PARVA: variants seen among roughly 807,000 people sequenced by gnomAD.
The protein encoded by PARVA is alpha-parvin.
PARVA carries 25 observed loss-of-function variants against 52.6 expected under a neutral mutation model. That is an observed-to-expected ratio of 0.48 (90% confidence interval 0.35 to 0.66). The LOEUF (loss-of-function observed/expected upper bound fraction) is 0.66, where lower values mean the gene tolerates loss of function less well. Among genes scored for constraint, PARVA ranks in the 30% least tolerant of loss-of-function variants. The pLI is 0.01. For synonymous variants in PARVA, 185 were observed against 179.1 expected, an observed-to-expected ratio of 1.03 and a Z score of -0.26; for missense variants, 373 against 450.9, an observed-to-expected ratio of 0.83 and a Z score of 1.56.
intron 1 of PARVA, among the ~76,000 whole-genome samples, chr11:12,432,857 C>T (rs977990504): frequency 6.6e-6 from 1 of 152,142 alleles, no homozygotes; most frequent in South Asian, 2.1e-4. Flanking sequence ...AAATCCATTC[C>T]CAGAAAACTG....
At position 12,517,503 on chromosome 11, in the gene PARVA, T is replaced by C. The variant is rs1589989550; in HGVS notation, c.868-107T>C. On this transcript the variant is annotated intron_variant, in intron 10 of 12. Coordinates refer to ENST00000334956, the MANE Select transcript of PARVA (RefSeq NM_018222.5). Reference sequence around the variant, plus strand: ...CCTACCCCCGAGCTAGCAGCCTGGCTGGGGTGGTAGGCTTCAGGTGGCATA... The same window carrying C: ...CCTACCCCCGAGCTAGCAGCCTGGCCGGGGTGGTAGGCTTCAGGTGGCATA... 4 of 802,430 alleles carry C rather than the reference T, an allele frequency of 5.0e-6. No individual in the cohort carries two copies. The East Asian group carries it at 1.1e-4, about 22-fold the overall frequency. 49.7% of individuals were successfully genotyped at this position (802,430 alleles called of 1,614,324 possible). A position where few individuals can be genotyped will look rare whatever the true frequency, so the allele number is the denominator to read the frequency against.
intron 12 of PARVA, among the ~76,000 whole-genome samples, chr11:12,524,172 A>G (rs1384979355): frequency 1.3e-5 from 2 of 152,234 alleles, no homozygotes; most frequent in East Asian, 3.8e-4. Context: ...ACGGCTATAC[A>G]TAGCAGCTCT....
chr11:12,376,806 C>A, upstream of PARVA: 1 of 727,376 alleles, frequency 1.4e-6, no homozygotes, highest in Admixed American at 6.2e-5. Context: ...TTGTATGACT[C>A]CCCTGTTATC....
chr11:12,492,308 T>G (rs1941243831), intron 4 of PARVA, among the ~76,000 whole-genome samples: 1 of 152,216 alleles, frequency 6.6e-6, no homozygotes. Flanking sequence ...GAGAAAATTT[T>G]CTAAATCACA....
chr11:12,470,829 T>C (rs1350477697), intron 1 of PARVA, among the ~76,000 whole-genome samples: 1 of 152,152 alleles, frequency 6.6e-6, no homozygotes, highest in East Asian at 1.9e-4. Flanking sequence ...CCTATTTACA[T>C]TTTTGTAGAA....
chr11:12,453,088 G>T (rs543885074), intron 1 of PARVA: 2 of 454,324 alleles, frequency 4.4e-6, no homozygotes, highest in Admixed American at 2.4e-5. Context: ...TTCTTTGTTG[G>T]GGGGGCGCCC....
At position 12,513,986 on chromosome 11, in the gene PARVA, T is replaced by G; in HGVS notation, c.799-11T>G. 6.2e-7 allele frequency: 1 copy of G among 1,613,370 alleles called. No homozygotes were observed. The highest frequency in any genetic ancestry group is 8.5e-7 in the Non-Finnish European group (1 of 1,179,340). On this transcript the variant is annotated splice_polypyrimidine_tract_variant and intron_variant, in intron 9 of 12. Transcript: ENST00000334956. ...GTCCCCAGCTTAGGGCCTGCTTTGC[T>G]TCTCTTTTAGACACTCATCACTTTC...
At chr11:12,422,406 C>T (rs1266169260) in intron 1 of PARVA, among the ~76,000 whole-genome samples, 2 of 152,172 alleles carry the variant, frequency 1.3e-5, no homozygotes, top group Admixed American at 6.5e-5. Flanking sequence ...GCTCTAGTTC[C>T]ATATTGTTAG....
intron 1 of PARVA, among the ~76,000 whole-genome samples, chr11:12,438,767 G>T (rs895075066): frequency 6.6e-6 from 1 of 152,118 alleles, no homozygotes; most frequent in Admixed American, 6.5e-5. Flanking sequence ...ACTCAGGGAG[G>T]TTTAGTTATT....
At chr11:12,462,633 T>TA (rs1180311301) in intron 1 of PARVA, among the ~76,000 whole-genome samples, 1 of 152,220 alleles carries the variant, frequency 6.6e-6, no homozygotes, top group Non-Finnish European at 1.5e-5. Context: ...GATTTGCTAC[T>TA]ACAGCAATAG....
At chr11:12,397,525 T>A (rs1170255925) in intron 1 of PARVA, among the ~76,000 whole-genome samples, 1 of 152,194 alleles carries the variant, frequency 6.6e-6, no homozygotes, top group Non-Finnish European at 1.5e-5. Flanking sequence ...CATATTGCTC[T>A]CCAAAAAGGA....
chr11:12,476,449 A>G (rs1303317260), intron 3 of PARVA, among the ~76,000 whole-genome samples: 1 of 151,924 alleles, frequency 6.6e-6, no homozygotes, highest in East Asian at 1.9e-4. Context: ...ACCTGTGAAT[A>G]GCCACTGCAT....
chr11:12,399,206 TTC>T (rs778831422), intron 1 of PARVA, among the ~76,000 whole-genome samples: 4 of 152,234 alleles, frequency 2.6e-5, no homozygotes, highest in African/African-American at 4.8e-5. Flanking sequence ...ACATTTACTT[TTC>T]TCTGTTTTCT....
upstream of PARVA, chr11:12,377,536 A>C: frequency 6.9e-7 from 1 of 1,459,572 alleles, no homozygotes; most frequent in Non-Finnish European, 9.2e-7. Flanking sequence ...AAATGCTTGG[A>C]ATAATTCCGC....
Position 12,534,207 on chromosome 11 carries a change from G to A in PARVA, c.*6282G>A, listed in dbSNP as rs1941808949. Among the ~76,000 whole-genome samples the A allele has an allele frequency of 6.6e-6, 1 of 152,146 alleles. No homozygotes were observed. The highest frequency in any genetic ancestry group is 1.5e-5 in the Non-Finnish European group (1 of 68,024). ...AAACAAAACAAAAATCCATGAACAA[G>A]TGGACCTGCCCAGTTCAAATCATTG... On this transcript the variant is annotated 3_prime_UTR_variant, in exon 13 of 13. Transcript: ENST00000334956.
intron 1 of PARVA, among the ~76,000 whole-genome samples, chr11:12,427,773 G>A (rs1488190930): frequency 1.3e-5 from 2 of 152,228 alleles, no homozygotes. Context: ...CAGCTGCTAT[G>A]TTCCTAACTT....
chr11:12,406,794 C>T (rs544147098), intron 1 of PARVA, among the ~76,000 whole-genome samples: 52 of 151,614 alleles, frequency 3.4e-4, no homozygotes, highest in Admixed American at 1.7e-3. Context: ...CCTCGGCCTC[C>T]CAAGTAGCTG....
chr11:12,423,642 A>G (rs1028795711), intron 1 of PARVA, among the ~76,000 whole-genome samples: 11 of 152,158 alleles, frequency 7.2e-5, no homozygotes, highest in Non-Finnish European at 1.5e-4. Context: ...GTACTATTGT[A>G]TATGGTGAGT....
At chr11:12,499,179 T>C (rs1283155986) in intron 5 of PARVA, among the ~76,000 whole-genome samples, 1 of 152,226 alleles carries the variant, frequency 6.6e-6, no homozygotes, top group African/African-American at 2.4e-5. Flanking sequence ...GGAATAATTA[T>C]CTCATCTTGG....
Sources: gnomAD v4.1 joint callset for allele counts (sites outside exome capture counted in the v4.1 genomes callset) on GRCh38, gnomAD v4.1.1 for gene constraint, MANE v1.5 for transcripts, NCBI Gene and HGNC (gene_info 2026-07-23, HGNC 2026-07-21) for gene names.